The following PHACTR3 variants were observed in gnomAD, a reference collection of about 807,000 sequenced individuals.
PHACTR3 encodes the protein phosphatase and actin regulator 3.
A neutral mutation model predicts 66.8 loss-of-function variants in PHACTR3; 16 were observed. That is an observed-to-expected ratio of 0.24 (90% CI 0.16 to 0.36). PHACTR3 has a LOEUF of 0.36. Ranked by LOEUF, PHACTR3 falls within the 10% of genes least tolerant of loss-of-function variation. The pLI, the probability that PHACTR3 is intolerant of heterozygous loss-of-function variation, is 1.00. For synonymous variants in PHACTR3, 323 were observed against 292.1 expected (o/e 1.11, Z -1.08); for missense variants, 647 against 719.9 (o/e 0.90, Z 1.16).
chr20:59,726,076 G>A (rs1402817971), intron 1 of PHACTR3, among the ~76,000 whole-genome samples: 3 of 152,218 alleles, frequency 2.0e-5, no homozygotes, highest in African/African-American at 7.2e-5. Flanking sequence ...CTATAGCAGT[G>A]CCTCCAGGGT....
chr20:59,847,086 A>G, intron 12 of PHACTR3, 29 bp from the exon 13 acceptor site: 2 of 1,471,730 alleles, frequency 1.4e-6, no homozygotes, highest in South Asian at 2.4e-5. Flanking sequence ...GAATAACCTT[A>G]AATTCTTTGT....
intron 9 of PHACTR3, among the ~76,000 whole-genome samples, chr20:59,838,090 A>AT (rs2058995760): frequency 6.6e-6 from 1 of 152,160 alleles, no homozygotes; most frequent in Non-Finnish European, 1.5e-5. Context: ...TGCGGTGGCC[A>AT]TGGCAATCCC....
At chr20:59,814,994 G>A (rs2041844386) in intron 8 of PHACTR3, among the ~76,000 whole-genome samples, 1 of 152,082 alleles carries the variant, frequency 6.6e-6, no homozygotes, top group South Asian at 2.1e-4. Flanking sequence ...AAGGGAGTTG[G>A]GGGCTGAGTT....
At chr20:59,811,955 G>T (rs1284926970) in intron 8 of PHACTR3, among the ~76,000 whole-genome samples, 1 of 152,202 alleles carries the variant, frequency 6.6e-6, no homozygotes, top group Non-Finnish European at 1.5e-5. Context: ...TCTCAGCAGG[G>T]GGTGCTGGGG....
At chr20:59,695,615 A>C (rs547239000) in intron 1 of PHACTR3, among the ~76,000 whole-genome samples, 117 of 152,256 alleles carry the variant, frequency 7.7e-4, no homozygotes, top group Middle Eastern at 6.8e-3. Context: ...TTATTTTGTG[A>C]GTATTTTCTC....
intron 1 of PHACTR3, among the ~76,000 whole-genome samples, chr20:59,703,152 C>T (rs927839208): frequency 6.6e-6 from 1 of 152,082 alleles, no homozygotes; most frequent in Non-Finnish European, 1.5e-5. Flanking sequence ...TGAAATTTGC[C>T]GACATAATTC....
rs567675458 is a variant in PHACTR3, at chr20:59,838,083, G to A, written c.1384+1523G>A. ...GAAAGGGAAAATGGGTTTCCTCTGC[G>A]GTGGCCATGGCAATCCCGCCATAAA... On this transcript the variant is annotated intron_variant, in intron 9 of 12. Transcript: ENST00000371015. Among the ~76,000 whole-genome samples the A allele has an allele frequency of 3.7e-4, 56 of 152,222 alleles. 1 individual carries two copies. Among genetic ancestry groups the A allele is most frequent in the South Asian group, 6.2e-4 (3 of 4,812 alleles).
At chr20:59,647,112 G>A (rs2035306786) in intron 1 of PHACTR3, among the ~76,000 whole-genome samples, 1 of 152,190 alleles carries the variant, frequency 6.6e-6, no homozygotes, top group South Asian at 2.1e-4. Flanking sequence ...ATTTATAAAG[G>A]AAAGAAGTTT....
chr20:59,749,699 G>A (rs568910396), intron 3 of PHACTR3, among the ~76,000 whole-genome samples: 16 of 152,310 alleles, frequency 1.1e-4, no homozygotes, highest in East Asian at 9.6e-4. Context: ...CTTTTGTAGC[G>A]CAAAGGCAGC....
At chr20:59,686,767 ATGG>A (rs1428620617) in intron 1 of PHACTR3, among the ~76,000 whole-genome samples, 7 of 124,544 alleles carry the variant, frequency 5.6e-5, no homozygotes, top group Middle Eastern at 4.8e-3. Flanking sequence ...GGTGATGATG[ATGG>A]TGATGATGAT....
chr20:59,759,713 G>A (rs1362960116), intron 4 of PHACTR3, among the ~76,000 whole-genome samples: 3 of 152,332 alleles, frequency 2.0e-5, no homozygotes, highest in Non-Finnish European at 2.9e-5. Flanking sequence ...GTCTGATGCT[G>A]TCTGTTCTCT....
At chr20:59,608,635 T>G (rs2033746318) in intron 1 of PHACTR3, among the ~76,000 whole-genome samples, 1 of 152,120 alleles carries the variant, frequency 6.6e-6, no homozygotes, top group Admixed American at 6.5e-5. Context: ...CTCAACATGA[T>G]CCCATCACTG....
chr20:59,840,303 G>A (rs919439752), intron 9 of PHACTR3, 66 bp from the exon 10 acceptor site: 3 of 1,572,058 alleles, frequency 1.9e-6, no homozygotes, highest in Non-Finnish European at 2.6e-6. Context: ...CTTCCCTGCT[G>A]AAGAGAAGAA....
At chr20:59,585,663 T>C (rs2033004846) in intron 1 of PHACTR3, among the ~76,000 whole-genome samples, 1 of 152,220 alleles carries the variant, frequency 6.6e-6, no homozygotes, top group South Asian at 2.1e-4. Flanking sequence ...GCAGGTGTGC[T>C]GTAAGCTCTG....
upstream of PHACTR3, among the ~76,000 whole-genome samples, chr20:59,602,619 C>A (rs2033511851): frequency 6.7e-6 from 1 of 150,182 alleles, no homozygotes; most frequent in African/African-American, 2.4e-5. Context: ...TCTTTCTCCT[C>A]CCCCCCACCT....
intron 7 of PHACTR3, among the ~76,000 whole-genome samples, chr20:59,776,054 G>A (rs1341094338): frequency 6.6e-6 from 1 of 152,306 alleles, no homozygotes; most frequent in East Asian, 1.9e-4. Flanking sequence ...CATAGTCTGT[G>A]CCCTTGGTTT....
chr20:59,765,652 G>A (rs76744333), intron 4 of PHACTR3, among the ~76,000 whole-genome samples: 3,405 of 152,326 alleles, frequency 0.022, 58 homozygotes, highest in Non-Finnish European at 0.035. Context: ...TACAAGGAGC[G>A]TGCAATATTT....
intron 10 of PHACTR3, 142 bp downstream of exon 10, chr20:59,840,572 C>A: frequency 7.5e-7 from 1 of 1,325,336 alleles, no homozygotes. Context: ...TCAGTTAAAT[C>A]AGGATATTTG....
chr20:59,603,873 GCCTGCCTGTGTT>G (rs1284786797), upstream of PHACTR3: 4 of 153,156 alleles, frequency 2.6e-5, no homozygotes, highest in African/African-American at 9.7e-5. Flanking sequence ...AGCAGCGGCT[GCCTGCCTGTGTT>G]CACCCCACAC....
Sources: gnomAD v4.1 joint callset for allele counts (sites outside exome capture counted in the v4.1 genomes callset) on GRCh38, gnomAD v4.1.1 for gene constraint, MANE v1.5 for transcripts, NCBI Gene and HGNC (gene_info 2026-07-23, HGNC 2026-07-21) for gene names.